The following PSPC1 variants were observed in gnomAD, a reference collection of about 807,000 sequenced individuals.
PSPC1 encodes paraspeckle component 1, also known as paraspeckle protein 1.
A neutral mutation model predicts 51.6 loss-of-function variants in PSPC1; 14 were observed. The ratio of observed to expected loss-of-function variants is 0.27; its 90% confidence interval spans 0.18 to 0.42. The LOEUF (loss-of-function observed/expected upper bound fraction) is 0.42, where lower values mean the gene tolerates loss of function less well. Among genes scored for constraint, PSPC1 ranks in the 10% least tolerant of loss-of-function variants. PSPC1 has a pLI of 1.00. For synonymous variants in PSPC1, 193 were observed against 231.9 expected (o/e 0.83, Z 1.53); for missense variants, 406 against 701.1 (o/e 0.58, Z 4.75).
At chr13:19,714,977 G>A (rs564754083) in intron 6 of PSPC1, among the ~76,000 whole-genome samples, 30 of 152,246 alleles carry the variant, frequency 2.0e-4, no homozygotes, top group Admixed American at 1.6e-3. Context: ...AAAAGCAAAC[G>A]TGGGAAGCCA....
downstream of PSPC1, among the ~76,000 whole-genome samples, chr13:19,700,122 G>A (rs1023385031): frequency 8.6e-5 from 13 of 151,974 alleles, no homozygotes; most frequent in African/African-American, 3.1e-4. Context: ...CAGAATCTAT[G>A]TTGTAATGAT....
chr13:19,752,698 G>A (rs997536253), intron 3 of PSPC1, among the ~76,000 whole-genome samples: 6 of 151,730 alleles, frequency 4.0e-5, no homozygotes, highest in African/African-American at 7.3e-5. Context: ...CCATTCTCCC[G>A]CCTCAGCTTC....
At chr13:19,747,345 T>C (rs1451492672) in intron 4 of PSPC1, among the ~76,000 whole-genome samples, 3 of 152,172 alleles carry the variant, frequency 2.0e-5, no homozygotes, top group Non-Finnish European at 2.9e-5. Flanking sequence ...AACAGCTTTT[T>C]TTTAGAGACA....
chr13:19,725,584 T>A (rs964931485), intron 6 of PSPC1, among the ~76,000 whole-genome samples: 1 of 151,912 alleles, frequency 6.6e-6, no homozygotes, highest in African/African-American at 2.4e-5. Flanking sequence ...ACTACTCAAA[T>A]CAGTTTTTGT....
chr13:19,764,979 G>A (rs762247978), intron 2 of PSPC1, among the ~76,000 whole-genome samples: 2 of 151,974 alleles, frequency 1.3e-5, no homozygotes, highest in Non-Finnish European at 2.9e-5. Context: ...CGAAGAATGT[G>A]TAATGATGAT....
In PSPC1 at chr13:19,777,099, G is replaced by A. The variant is rs548291066; in HGVS notation, c.373-4556C>T. 7.1e-5 allele frequency among the ~76,000 whole-genome samples: 10 copies of A among 140,718 alleles called. No homozygotes were observed. In the East Asian group the frequency reaches 2.2e-3, roughly 31 times the overall value. 92.3% of individuals were successfully genotyped at this position (140,718 alleles called of 152,430 possible). Reference sequence around the variant, plus strand: ...AGTGTGCCACTGCACTCCAGCCTGGGTGACAGCGAGGCTCCATCTAAAAAA... The same window carrying A: ...AGTGTGCCACTGCACTCCAGCCTGGATGACAGCGAGGCTCCATCTAAAAAA... On this transcript the variant is annotated intron_variant, in intron 1 of 8. Transcript: ENST00000338910.
rs375397594 is a variant in PSPC1 at position 19,711,776 on chromosome 13, G to A, written c.1159-2177C>T. Among the ~76,000 whole-genome samples the A allele has an allele frequency of 4.6e-4, 69 of 151,028 alleles. 1 individual carries two copies. The East Asian group carries it at 0.01, about 22-fold the overall frequency. ...GGAGAATCGCTTGAACCCAGGAGGC[G>A]GGGGTTGCAATGAACCAAGATTGCA... On this transcript the variant is annotated intron_variant, in intron 6 of 8. Transcript: ENST00000338910.
chr13:19,671,475 G>A (rs1876123007), downstream of PSPC1, among the ~76,000 whole-genome samples: 1 of 151,312 alleles, frequency 6.6e-6, no homozygotes, highest in South Asian at 2.1e-4. Flanking sequence ...TAATGCGGCA[G>A]GAAAAGAACT....
chr13:19,746,762 G>A (rs1886034249), intron 4 of PSPC1, among the ~76,000 whole-genome samples: 1 of 151,922 alleles, frequency 6.6e-6, no homozygotes, highest in African/African-American at 2.4e-5. Flanking sequence ...ATAATTATCA[G>A]TAAAGTATAA....
intron 3 of PSPC1, among the ~76,000 whole-genome samples, chr13:19,751,931 A>G (rs1886596221): frequency 6.6e-6 from 1 of 152,060 alleles, no homozygotes; most frequent in South Asian, 2.1e-4. Context: ...GGTGGCAGGC[A>G]CCTGTAGTCC....
chr13:19,777,429 C>CAAAAAAAAA (rs397938970), intron 1 of PSPC1, among the ~76,000 whole-genome samples: 2 of 47,898 alleles, frequency 4.2e-5, no homozygotes, highest in Non-Finnish European at 4.3e-5. Context: ...GACCTCAGCT[C>CAAAAAAAAA]AAAAAAAAAA....
chr13:19,682,889 CCCTGTCTCTCACTAAAAAAAA>C (rs1877432779), intron 6 of PSPC1, among the ~76,000 whole-genome samples: 1 of 151,520 alleles, frequency 6.6e-6, no homozygotes, highest in Non-Finnish European at 1.5e-5. Flanking sequence ...TAGTGAGAGA[CCCTGTCTCTCACTAAAAAAAA>C]AAAATAAATT....
intron 1 of PSPC1, among the ~76,000 whole-genome samples, chr13:19,777,429 C>CAAAAAAAA (rs397938970): frequency 1.0e-4 from 5 of 47,880 alleles, no homozygotes; most frequent in African/African-American, 1.6e-4. Flanking sequence ...GACCTCAGCT[C>CAAAAAAAA]AAAAAAAAAA....
chr13:19,778,538 C>G (rs1184319082), intron 1 of PSPC1, among the ~76,000 whole-genome samples: 1 of 136,850 alleles, frequency 7.3e-6, no homozygotes, highest in Non-Finnish European at 1.6e-5. Context: ...CGCGCCGCCA[C>G]GCCTGACTGG....
chr13:19,727,575 T>C (rs916785106), intron 6 of PSPC1, among the ~76,000 whole-genome samples: 1 of 152,140 alleles, frequency 6.6e-6, no homozygotes, highest in Non-Finnish European at 1.5e-5. Context: ...CAAGAAGCAA[T>C]GTTTACTCCA....
intron 4 of PSPC1, among the ~76,000 whole-genome samples, chr13:19,742,562 A>C (rs1033696850): frequency 6.6e-6 from 1 of 152,150 alleles, no homozygotes; most frequent in Non-Finnish European, 1.5e-5. Context: ...AACATGGCGC[A>C]ACCCCATCTC....
At chr13:19,754,596 C>T (rs1425078325) in intron 3 of PSPC1, among the ~76,000 whole-genome samples, 3 of 150,496 alleles carry the variant, frequency 2.0e-5, no homozygotes, top group East Asian at 2.0e-4. Flanking sequence ...CACGCCACCA[C>T]GTCTGGCTAA....
At chr13:19,716,265 G>T (rs952640197) in intron 6 of PSPC1, among the ~76,000 whole-genome samples, 5 of 152,116 alleles carry the variant, frequency 3.3e-5, no homozygotes, top group African/African-American at 1.2e-4. Flanking sequence ...ATGTGTGTGT[G>T]TATTACCAAT....
chr13:19,733,484 T>C (rs1040003006), intron 5 of PSPC1, among the ~76,000 whole-genome samples: 1 of 151,970 alleles, frequency 6.6e-6, no homozygotes, highest in East Asian at 1.9e-4. Context: ...GCCACGGCCA[T>C]GCACAGTGAC....
Sources: gnomAD v4.1 joint callset for allele counts (sites outside exome capture counted in the v4.1 genomes callset) on GRCh38, gnomAD v4.1.1 for gene constraint, MANE v1.5 for transcripts, NCBI Gene and HGNC (gene_info 2026-07-23, HGNC 2026-07-21) for gene names.